The following STK33 variants were observed in gnomAD, a reference collection of about 807,000 sequenced individuals.
The protein encoded by STK33 is serine/threonine kinase 33, also known as serine/threonine-protein kinase 33.
In STK33, 52 loss-of-function variants were observed where a neutral mutation model predicts 58.0. The ratio of observed to expected loss-of-function variants is 0.90; its 90% CI spans 0.72 to 1.13. The LOEUF (loss-of-function observed/expected upper bound fraction) is 1.13, where lower values mean the gene tolerates loss of function less well. STK33 is among the 50% of genes most tolerant of loss of function. STK33 has a pLI of 0.00. For missense variants in STK33, 630 were observed against 604.2 expected, an observed-to-expected ratio of 1.04 and a Z score of -0.45; for synonymous variants, 215 against 200.1, an observed-to-expected ratio of 1.07 and a Z score of -0.63.
At chr11:8,456,233 G>A (rs1365465130) in intron 9 of STK33, among the ~76,000 whole-genome samples, 1 of 152,140 alleles carries the variant, frequency 6.6e-6, no homozygotes, top group Non-Finnish European at 1.5e-5. Context: ...CCTCTGCCTA[G>A]AAAGCCTGCC....
intron 15 of STK33, among the ~76,000 whole-genome samples, chr11:8,397,688 A>G (rs1849602403): frequency 6.6e-6 from 1 of 152,220 alleles, no homozygotes; most frequent in Non-Finnish European, 1.5e-5. Flanking sequence ...GTCTGAACCC[A>G]TGGCAAAGAA....
At chr11:8,398,264 C>T (rs1279944736) in intron 15 of STK33, among the ~76,000 whole-genome samples, 1 of 152,230 alleles carries the variant, frequency 6.6e-6, no homozygotes, top group African/African-American at 2.4e-5. Context: ...GCTGATCTCT[C>T]AGCAGAAACT....
chr11:8,360,698 C>G, the STK33 span, among the ~76,000 whole-genome samples: 27 of 152,346 alleles, frequency 1.8e-4, no homozygotes, highest in African/African-American at 6.5e-4. Flanking sequence ...TACTGATGTC[C>G]CCGTTTCCTT....
intron 1 of STK33, among the ~76,000 whole-genome samples, chr11:8,495,465 T>C (rs1950986914): frequency 6.6e-6 from 1 of 152,094 alleles, no homozygotes; most frequent in African/African-American, 2.4e-5. Flanking sequence ...CTGGAGAGGA[T>C]GTGGAGAAAC....
At chr11:8,501,192 C>T (rs765973971) in intron 1 of STK33, among the ~76,000 whole-genome samples, 12 of 152,086 alleles carry the variant, frequency 7.9e-5, no homozygotes, top group Non-Finnish European at 1.8e-4. Context: ...AAAATAGATA[C>T]ATGGACTTTA....
At chr11:8,493,051 A>T (rs1357289978) in intron 1 of STK33, among the ~76,000 whole-genome samples, 1 of 152,212 alleles carries the variant, frequency 6.6e-6, no homozygotes, top group Non-Finnish European at 1.5e-5. Context: ...GAGAAGCAAG[A>T]GCAAACAAAT....
At chr11:8,344,610 C>T in the STK33 span, among the ~76,000 whole-genome samples, 83 of 152,318 alleles carry the variant, frequency 5.4e-4, 1 homozygote, top group African/African-American at 1.9e-3. Context: ...ACGCAGACAG[C>T]CTGGTTCCAA....
intron 1 of STK33, among the ~76,000 whole-genome samples, chr11:8,491,629 A>G (rs182400142): frequency 6.6e-6 from 1 of 152,322 alleles, no homozygotes; most frequent in African/African-American, 2.4e-5. Context: ...AGCAACCCCA[A>G]GACACATAAT....
At chr11:8,425,296 A>C (rs1190952537) in intron 14 of STK33, among the ~76,000 whole-genome samples, 1 of 152,092 alleles carries the variant, frequency 6.6e-6, no homozygotes, top group African/African-American at 2.4e-5. Flanking sequence ...AGATAGTTGT[A>C]GATATGTGGC....
At chr11:8,342,331 G>T in the STK33 span, among the ~76,000 whole-genome samples, 1 of 152,228 alleles carries the variant, frequency 6.6e-6, no homozygotes, top group Non-Finnish European at 1.5e-5. Flanking sequence ...CTCCTTATGT[G>T]AGGTCTATGT....
At chr11:8,558,031 C>T (rs1412935872) in intron 1 of STK33, among the ~76,000 whole-genome samples, 2 of 152,138 alleles carry the variant, frequency 1.3e-5, no homozygotes, top group African/African-American at 2.4e-5. Flanking sequence ...AGAAAAATCA[C>T]TCAATTCACT....
At chr11:8,357,497 C>A in the STK33 span, among the ~76,000 whole-genome samples, 1 of 152,224 alleles carries the variant, frequency 6.6e-6, no homozygotes, top group South Asian at 2.1e-4. Context: ...ACATGTCTGT[C>A]GGGAAGAGGA....
intron 11 of STK33, among the ~76,000 whole-genome samples, chr11:8,446,085 C>G (rs1945422661): frequency 6.6e-6 from 1 of 152,118 alleles, no homozygotes; most frequent in South Asian, 2.1e-4. Context: ...AGGGATTCGA[C>G]TTCTTCCTGG....
downstream of STK33, among the ~76,000 whole-genome samples, chr11:8,387,189 A>G (rs1451277129): frequency 6.6e-6 from 1 of 152,184 alleles, no homozygotes; most frequent in East Asian, 1.9e-4. Flanking sequence ...TCAAGCCCAA[A>G]CTTGTCAAAA....
intron 1 of STK33, among the ~76,000 whole-genome samples, chr11:8,491,234 T>C (rs976969995): frequency 1.3e-5 from 2 of 152,054 alleles, no homozygotes; most frequent in Non-Finnish European, 2.9e-5. Flanking sequence ...ATAAACAGTG[T>C]AGAAAAGAAC....
chr11:8,396,135 C>T (rs984170355), intron 15 of STK33, among the ~76,000 whole-genome samples: 8 of 152,052 alleles, frequency 5.3e-5, no homozygotes, highest in African/African-American at 1.9e-4. Flanking sequence ...TGGAGTTTTG[C>T]TCTTATCGCC....
the STK33 span, among the ~76,000 whole-genome samples, chr11:8,362,475 A>G: frequency 6.6e-6 from 1 of 152,234 alleles, no homozygotes; most frequent in African/African-American, 2.4e-5. Context: ...CGGGAAATAT[A>G]TTGATTCAAT....
intron 1 of STK33, among the ~76,000 whole-genome samples, chr11:8,582,290 C>T (rs533586254): frequency 3.3e-5 from 5 of 152,236 alleles, no homozygotes; most frequent in African/African-American, 9.6e-5. Flanking sequence ...AAGGACAAAA[C>T]TAAAAAGTGT....
intron 1 of STK33, among the ~76,000 whole-genome samples, chr11:8,564,641 C>T (rs1957333888): frequency 6.6e-6 from 1 of 152,170 alleles, no homozygotes; most frequent in Non-Finnish European, 1.5e-5. Context: ...CAGTTAACCA[C>T]AGATGGACCC....
Sources: allele counts gnomAD v4.1 joint callset (sites outside exome capture counted in the v4.1 genomes callset), GRCh38; gene constraint gnomAD v4.1.1; transcripts MANE v1.5; gene names NCBI Gene and HGNC (gene_info 2026-07-23, HGNC 2026-07-21).